The following SUGT1 variants were observed in gnomAD, a reference collection of about 807,000 sequenced individuals.
The protein encoded by SUGT1 is SGT1 assembly cochaperone of MIS12 kinetochore complex, also known as protein SGT1 homolog.
A neutral mutation model predicts 56.1 loss-of-function variants in SUGT1; 15 were observed. That is an observed-to-expected ratio of 0.27 (90% CI 0.18 to 0.41). The LOEUF is 0.41. Among genes scored for constraint, SUGT1 ranks in the 10% least tolerant of loss-of-function variants. The probability of loss-of-function intolerance (pLI) is 1.00; values close to 1 mark genes in which losing one functional copy is unlikely to be tolerated. For synonymous variants in SUGT1, 123 were observed against 128.6 expected (o/e 0.96, Z 0.30); for missense variants, 347 against 382.2 (o/e 0.91, Z 0.77).
At chr13:52,667,664 A>G (rs1962768010) in intron 10 of SUGT1, among the ~76,000 whole-genome samples, 1 of 152,162 alleles carries the variant, frequency 6.6e-6, no homozygotes, top group Non-Finnish European at 1.5e-5. Context: ...ATTCCTTTAT[A>G]GTTTCTAAAA....
At chr13:52,669,185 TGTAA>T (rs1410979638) in intron 10 of SUGT1, among the ~76,000 whole-genome samples, 2 of 152,216 alleles carry the variant, frequency 1.3e-5, no homozygotes, top group African/African-American at 4.8e-5. Context: ...CTCGTTTCTG[TGTAA>T]GTCTTTGAGG....
Position 52,694,692 on chromosome 13 carries a change from TTTTG to T in SUGT1, c.*6861_*6864del, listed in dbSNP as rs1566207493. On this transcript the variant is annotated 3_prime_UTR_variant, in exon 13 of 13. Coordinates refer to ENST00000310528, the MANE Select transcript of SUGT1 (RefSeq NM_006704.5). ...GAAGCTGATATTTGTTTGTGTTTGTTTTTGTTTTTGTTTTTGAGACGGAGTCTTG... is the reference window on the plus strand; with the variant it reads ...GAAGCTGATATTTGTTTGTGTTTGTTTTTTTGTTTTTGAGACGGAGTCTTG... 1 of 152,234 alleles carries T rather than the reference TTTTG, an allele frequency of 6.6e-6. No homozygotes were observed. The highest frequency in any genetic ancestry group is 1.5e-5 in the Non-Finnish European group (1 of 68,068). 9.4% of individuals were successfully genotyped at this position (152,234 alleles called of 1,614,324 possible).
chr13:52,661,586 C>T (rs1489255831), intron 5 of SUGT1: 4 of 415,500 alleles, frequency 9.6e-6, no homozygotes, highest in South Asian at 1.7e-5. Context: ...AGCCACCATG[C>T]CCGGCCAAAA....
chr13:52,669,511 C>T (rs972177211), intron 10 of SUGT1, among the ~76,000 whole-genome samples: 1 of 152,144 alleles, frequency 6.6e-6, no homozygotes, highest in Non-Finnish European at 1.5e-5. Flanking sequence ...TAAATACTTT[C>T]CCCAAGTTTA....
intron 8 of SUGT1, among the ~76,000 whole-genome samples, chr13:52,664,755 A>G (rs1408223346): frequency 6.6e-6 from 1 of 152,208 alleles, no homozygotes; most frequent in Non-Finnish European, 1.5e-5. Flanking sequence ...TACCTAGTAG[A>G]TAAGGAACTT....
At chr13:52,659,009 G>C (rs1962297292) in intron 4 of SUGT1, among the ~76,000 whole-genome samples, 170 bp from the exon 5 acceptor site, 1 of 151,844 alleles carries the variant, frequency 6.6e-6, no homozygotes, top group South Asian at 2.1e-4. Context: ...AATTTTAGTA[G>C]GAATTGTACT....
chr13:52,657,691 TAA>T, intron 3 of SUGT1, 69 bp downstream of exon 3: 1 of 1,419,258 alleles, frequency 7.0e-7, no homozygotes, highest in Non-Finnish European at 9.7e-7. Flanking sequence ...CATGACAAAT[TAA>T]AAGTTGTCTT....
rs181799941 is a variant in SUGT1, at chr13:52,693,504, C to G, written c.*5669C>G. The stretch of plus-strand genomic sequence containing the variant: ...TGCATAGTGGTTAAATGCATGGACT[C>G]TGAAGCCATCCTGTTTGGGATCATC... On this transcript the variant is annotated 3_prime_UTR_variant, in exon 13 of 13. Transcript: ENST00000310528. The G allele has an allele frequency of 6.6e-6, 1 of 152,282 alleles. No homozygotes were observed. Among genetic ancestry groups the G allele is most frequent in the Admixed American group, 6.5e-5 (1 of 15,302 alleles). The allele number at this position is 152,282 out of a possible 1,614,324, so 9.4% of individuals were successfully genotyped here.
At chr13:52,675,275 T>G (rs188049162) in intron 10 of SUGT1, among the ~76,000 whole-genome samples, 6 of 152,346 alleles carry the variant, frequency 3.9e-5, no homozygotes, top group Admixed American at 3.9e-4. Context: ...GATGTGTCTT[T>G]AATATTTTAA....
At chr13:52,666,154 C>A (rs560252491) in intron 9 of SUGT1, among the ~76,000 whole-genome samples, 2 of 152,154 alleles carry the variant, frequency 1.3e-5, no homozygotes, top group Non-Finnish European at 2.9e-5. Flanking sequence ...GGCGCAATTT[C>A]GGCTCACTGC....
At chr13:52,681,651 T>C (rs1197688182) in intron 12 of SUGT1, among the ~76,000 whole-genome samples, 1 of 152,026 alleles carries the variant, frequency 6.6e-6, no homozygotes, top group Non-Finnish European at 1.5e-5. Context: ...TAGACCAGCC[T>C]GGACAATATG....
intron 2 of SUGT1, among the ~76,000 whole-genome samples, 160 bp downstream of exon 2, chr13:52,653,263 C>T (rs1279080174): frequency 6.6e-6 from 1 of 152,168 alleles, no homozygotes; most frequent in Non-Finnish European, 1.5e-5. Flanking sequence ...TCTCTTTTCT[C>T]TGTTACACGG....
rs1232337261 is a variant in SUGT1, at chr13:52,692,915, T to C, written c.*5080T>C. ...GTACTTTTAACAACTGTTGCATGTG[T>C]AAGAAGACTGGTACATGATGCCAAT... On this transcript the variant is annotated 3_prime_UTR_variant, in exon 13 of 13. Coordinates refer to ENST00000310528, the MANE Select transcript of SUGT1 (RefSeq NM_006704.5). 1 of 152,226 alleles carries C rather than the reference T, an allele frequency of 6.6e-6. No homozygotes were observed. Among genetic ancestry groups the C allele is most frequent in the Non-Finnish European group, 1.5e-5 (1 of 68,040 alleles). 9.4% of individuals were successfully genotyped at this position (152,226 alleles called of 1,614,324 possible). A position where few individuals can be genotyped will look rare whatever the true frequency, so the allele number is the denominator to read the frequency against.
chr13:52,675,841 G>A (rs1252563660), intron 10 of SUGT1, among the ~76,000 whole-genome samples: 2 of 152,100 alleles, frequency 1.3e-5, no homozygotes, highest in East Asian at 1.9e-4. Flanking sequence ...AGTAGCAACC[G>A]TGGTCTCTAC....
intron 2 of SUGT1, 23 bp downstream of exon 2, chr13:52,653,126 C>T (rs759773879): frequency 2.9e-5 from 46 of 1,613,898 alleles, no homozygotes; most frequent in South Asian, 7.7e-5. Flanking sequence ...ATTTCTGCTT[C>T]CTCCACTCTT....
In SUGT1 at chr13:52,659,180, A is replaced by G; in HGVS notation, c.259A>G (p.Ile87Val). ...NNSTAMLRKG[I>V]CEYHEKNYAA... ...TTTGTTTTAAATATATTCATGCAGA[A>G]TATGTGAATACCATGAAAAAAACTA... The change falls in exon 5 of 13, where the codon ATA becomes GTA. Residue 87 changes from isoleucine to valine, a missense_variant and splice_region_variant. Transcript: ENST00000310528. 4 of 1,508,666 alleles carry G rather than the reference A, an allele frequency of 2.7e-6. No homozygotes were observed. The highest frequency in any genetic ancestry group is 3.5e-6 in the Non-Finnish European group (4 of 1,135,928). The allele number at this position is 1,508,666 out of a possible 1,614,324, so 93.5% of individuals were successfully genotyped here.
Position 52,700,294 on chromosome 13 carries a change from A to C in SUGT1, c.*12459A>C, listed in dbSNP as rs1314409146. The C allele has an allele frequency of 2.0e-5, 3 of 152,206 alleles. No individual in the cohort carries two copies. The highest frequency in any genetic ancestry group is 4.4e-5 in the Non-Finnish European group (3 of 68,016). The allele number at this position is 152,206 out of a possible 1,614,324, so 9.4% of individuals were successfully genotyped here. ...GGTTCACTAAGCCAAACACCTTAGA[A>C]AATAGCCTCAGCTATTTGCTATGTT... On this transcript the variant is annotated 3_prime_UTR_variant, in exon 13 of 13. Coordinates refer to ENST00000310528, the MANE Select transcript of SUGT1 (RefSeq NM_006704.5).
In SUGT1 at chr13:52,692,335, T is replaced by C. The variant is rs1193923327; in HGVS notation, c.*4500T>C. 6.6e-6 allele frequency: 1 copy of C among 152,128 alleles called. No homozygotes were observed. Among genetic ancestry groups the C allele is most frequent in the African/African-American group, 2.4e-5 (1 of 41,404 alleles). The allele number at this position is 152,128 out of a possible 1,614,324, so 9.4% of individuals were successfully genotyped here. A position where few individuals can be genotyped will look rare whatever the true frequency, so the allele number is the denominator to read the frequency against. Reference sequence around the variant, plus strand: ...CCTCTCATCAGGTTAATAAGCTAGATGTGGAATGAATGATTTTTATTACCA... The same window carrying C: ...CCTCTCATCAGGTTAATAAGCTAGACGTGGAATGAATGATTTTTATTACCA... On this transcript the variant is annotated 3_prime_UTR_variant, in exon 13 of 13. Transcript: ENST00000310528.
rs1004108668 is a variant in SUGT1, at chr13:52,693,292, G to A, written c.*5457G>A. The stretch of plus-strand genomic sequence containing the variant: ...TACAAAAAGATGTTTCAGAAACACT[G>A]CTATTTACCTAAAGGTAATTTTCAG... On this transcript the variant is annotated 3_prime_UTR_variant, in exon 13 of 13. Coordinates refer to ENST00000310528, the MANE Select transcript of SUGT1 (RefSeq NM_006704.5). 2 of 152,106 alleles carry A rather than the reference G, an allele frequency of 1.3e-5. No individual in the cohort carries two copies. The highest frequency in any genetic ancestry group is 4.8e-5 in the African/African-American group (2 of 41,402). 9.4% of individuals were successfully genotyped at this position (152,106 alleles called of 1,614,324 possible).
Sources: allele counts gnomAD v4.1 joint callset (sites outside exome capture counted in the v4.1 genomes callset), GRCh38; gene constraint gnomAD v4.1.1; transcripts MANE v1.5; gene names NCBI Gene and HGNC (gene_info 2026-07-23, HGNC 2026-07-21).